IGF1R: variants seen among roughly 807,000 people sequenced by gnomAD.
IGF1R encodes insulin-like growth factor 1 receptor.
IGF1R carries 44 observed loss-of-function variants against 144.6 expected under a neutral mutation model. The observed-to-expected ratio is 0.30, with a 90% confidence interval of 0.24 to 0.39. IGF1R has a LOEUF of 0.39. Ranked by LOEUF, IGF1R falls within the 10% of genes least tolerant of loss-of-function variation. The pLI, the probability that IGF1R is intolerant of heterozygous loss-of-function variation, is 1.00. For synonymous variants in IGF1R, 795 were observed against 722.8 expected (o/e 1.10, Z -1.60); for missense variants, 1,355 against 1,833.7 (o/e 0.74, Z 4.77).
chr15:98,710,735 C>T (rs1295637111), intron 2 of IGF1R, among the ~76,000 whole-genome samples: 1 of 149,868 alleles, frequency 6.7e-6, no homozygotes, highest in African/African-American at 2.5e-5. Context: ...GGCGCGATCT[C>T]GGCTCACTGC....
chr15:98,705,904 C>T (rs1012700178), intron 1 of IGF1R, among the ~76,000 whole-genome samples: 3 of 152,238 alleles, frequency 2.0e-5, no homozygotes, highest in African/African-American at 7.2e-5. Flanking sequence ...TCCTCAACTG[C>T]TCCCCTCTTC....
chr15:98,692,382 C>G (rs1304551079), intron 1 of IGF1R, among the ~76,000 whole-genome samples: 2 of 152,098 alleles, frequency 1.3e-5, no homozygotes, highest in African/African-American at 2.4e-5. Context: ...TTGCTCTGTT[C>G]AGGCTGGAAT....
chr15:98,737,598 T>G (rs955789875), intron 2 of IGF1R, among the ~76,000 whole-genome samples: 2 of 152,198 alleles, frequency 1.3e-5, no homozygotes, highest in African/African-American at 4.8e-5. Flanking sequence ...AAAATTTAAT[T>G]TAAAAAAGAC....
At chr15:98,888,334 A>G (rs1010244392) in intron 2 of IGF1R, among the ~76,000 whole-genome samples, 5 of 152,108 alleles carry the variant, frequency 3.3e-5, no homozygotes, top group African/African-American at 4.8e-5. Flanking sequence ...GGAATACCCA[A>G]TTGCAGTGTT....
chr15:98,696,837 G>A (rs1462319456), intron 1 of IGF1R, among the ~76,000 whole-genome samples: 1 of 152,158 alleles, frequency 6.6e-6, no homozygotes, highest in East Asian at 1.9e-4. Context: ...CCTTCATGGG[G>A]CTGCTGTCTG....
At chr15:98,872,858 A>AACAG (rs965293064) in intron 2 of IGF1R, among the ~76,000 whole-genome samples, 1 of 101,898 alleles carries the variant, frequency 9.8e-6, no homozygotes. Context: ...AAAAAAACAA[A>AACAG]ACAGACAGAC....
intron 1 of IGF1R, among the ~76,000 whole-genome samples, chr15:98,689,847 C>T (rs1242643114): frequency 6.6e-6 from 1 of 152,148 alleles, no homozygotes; most frequent in East Asian, 1.9e-4. Flanking sequence ...GGGGCCACCT[C>T]TGAGGGTGCT....
chr15:98,691,358 GT>G (rs1170421701), intron 1 of IGF1R, among the ~76,000 whole-genome samples: 1 of 135,958 alleles, frequency 7.4e-6, no homozygotes, highest in East Asian at 2.0e-4. Flanking sequence ...TTGTCTCATG[GT>G]TTTTTTTGTT....
chr15:98,757,561 T>C (rs1286060650), intron 2 of IGF1R, among the ~76,000 whole-genome samples: 3 of 152,198 alleles, frequency 2.0e-5, no homozygotes, highest in African/African-American at 7.2e-5. Context: ...AATTTTTTTA[T>C]TTTTCAGGGA....
At chr15:98,685,478 C>T (rs555528887) in intron 1 of IGF1R, among the ~76,000 whole-genome samples, 1 of 152,240 alleles carries the variant, frequency 6.6e-6, no homozygotes, top group Admixed American at 6.5e-5. Flanking sequence ...CACCCGCTTC[C>T]CAGTGGGTTT....
rs1451236594 is a variant in IGF1R at position 98,961,320 on chromosome 15, GTT to G, written c.*3882_*3883del. The G allele has an allele frequency of 1.3e-5, 3 of 233,192 alleles. No individual in the cohort carries two copies. Among genetic ancestry groups the G allele is most frequent in the East Asian group, 6.0e-5 (1 of 16,588 alleles). The allele number at this position is 233,192 out of a possible 1,614,324, so 14.4% of individuals were successfully genotyped here. A position where few individuals can be genotyped will look rare whatever the true frequency, so the allele number is the denominator to read the frequency against. The stretch of plus-strand genomic sequence containing the variant: ...CTGTCCGAGTTACTGATGTCATTTT[GTT>G]TTTGTTTTATGTAGGTAGCTTTTAA... On this transcript the variant is annotated 3_prime_UTR_variant, in exon 21 of 21. Transcript: ENST00000650285.
chr15:98,768,958 AAC>A lies in IGF1R; in HGVS notation c.640+60854_640+60855del, dbSNP rs1491458458. ...CAACAACAACAACAACAACAACAAC[AAC>A]ACCTCACAACCCTGGTCTCCCAGAG... On this transcript the variant is annotated intron_variant, in intron 2 of 20. Coordinates refer to ENST00000650285, the MANE Select transcript of IGF1R (RefSeq NM_000875.5). 4.4e-3 allele frequency among the ~76,000 whole-genome samples: 480 copies of A among 108,444 alleles called. 3 individuals carry two copies. Among genetic ancestry groups the A allele is most frequent in the Middle Eastern group, 0.039 (7 of 178 alleles). 71.1% of individuals were successfully genotyped at this position (108,444 alleles called of 152,430 possible).
At chr15:98,851,735 G>A (rs1477299462) in intron 2 of IGF1R, among the ~76,000 whole-genome samples, 2 of 152,212 alleles carry the variant, frequency 1.3e-5, no homozygotes, top group Non-Finnish European at 2.9e-5. Context: ...CCAACCAGAA[G>A]GGGACTTAGC....
intron 1 of IGF1R, among the ~76,000 whole-genome samples, chr15:98,677,717 G>T (rs552839896): frequency 4.6e-5 from 7 of 152,328 alleles, no homozygotes; most frequent in South Asian, 4.1e-4. Flanking sequence ...AAGAAGTTGA[G>T]AAGGAATGAA....
At position 98,887,708 on chromosome 15, in the gene IGF1R, G is replaced by A. The variant is rs188269915; in HGVS notation, c.641-3617G>A. On this transcript the variant is annotated intron_variant, in intron 2 of 20. Transcript: ENST00000650285. Reference sequence around the variant, plus strand: ...GAGCGGGAATGTGAGCGTTGTTTCTGTAACCAGTTTTACTGAACCTCACAG... The same window carrying A: ...GAGCGGGAATGTGAGCGTTGTTTCTATAACCAGTTTTACTGAACCTCACAG... Among the ~76,000 whole-genome samples the A allele has an allele frequency of 1.9e-3, 286 of 152,298 alleles. 1 individual carries two copies. Among genetic ancestry groups the A allele is most frequent in the African/African-American group, 6.5e-3 (269 of 41,556 alleles).
chr15:98,721,746 T>C (rs1017150671), intron 2 of IGF1R, among the ~76,000 whole-genome samples: 1 of 152,198 alleles, frequency 6.6e-6, no homozygotes, highest in Non-Finnish European at 1.5e-5. Context: ...GATGACCAAA[T>C]TGGTCCCTGG....
chr15:98,735,930 G>A (rs764586027), intron 2 of IGF1R, among the ~76,000 whole-genome samples: 6 of 152,154 alleles, frequency 3.9e-5, no homozygotes, highest in African/African-American at 7.2e-5. Flanking sequence ...AAAGAGCCTT[G>A]AGCCATTGCT....
intron 2 of IGF1R, among the ~76,000 whole-genome samples, chr15:98,868,244 G>A (rs2012563245): frequency 7.0e-6 from 1 of 143,634 alleles, no homozygotes; most frequent in Non-Finnish European, 1.5e-5. Flanking sequence ...ATACTTGGGA[G>A]GCTGAGATGG....
chr15:98,660,285 A>G (rs1411589970), intron 1 of IGF1R: 1 of 152,140 alleles, frequency 6.6e-6, no homozygotes, highest in Non-Finnish European at 1.5e-5. Flanking sequence ...CCCTCTGGCA[A>G]GCTCCTTTAA....
Sources: allele counts gnomAD v4.1 joint callset (sites outside exome capture counted in the v4.1 genomes callset), GRCh38; gene constraint gnomAD v4.1.1; transcripts MANE v1.5; gene names NCBI Gene and HGNC (gene_info 2026-07-23, HGNC 2026-07-21).